ZNF335: variants seen among roughly 807,000 people sequenced by gnomAD.
ZNF335 encodes NRC-interacting factor 1.
Under a neutral mutation model 145.6 loss-of-function variants are expected in ZNF335, and 84 were observed. The ratio of observed to expected loss-of-function variants is 0.58; its 90% CI spans 0.48 to 0.69. The LOEUF is 0.69. Among genes scored for constraint, ZNF335 ranks in the 30% least tolerant of loss-of-function variants. The pLI, the probability that ZNF335 is intolerant of heterozygous loss-of-function variation, is 0.00. For missense variants in ZNF335, 1,865 were observed against 1,809.7 expected (o/e 1.03, Z -0.55); for synonymous variants, 761 against 717.0 (o/e 1.06, Z -0.98).
intron 14 of ZNF335, among the ~76,000 whole-genome samples, chr20:45,959,660 CAT>C (rs1002242466): frequency 4.6e-5 from 7 of 152,312 alleles, no homozygotes; most frequent in African/African-American, 1.7e-4. Flanking sequence ...TTTGCAAAGT[CAT>C]GTGACTACAA....
chr20:45,965,984 C>T (rs2083945642), intron 6 of ZNF335, among the ~76,000 whole-genome samples: 1 of 152,142 alleles, frequency 6.6e-6, no homozygotes, highest in African/African-American at 2.4e-5. Flanking sequence ...TTCCTGGCAC[C>T]TACCACTAGC....
intron 3 of ZNF335, chr20:45,968,671 A>C (rs1448697723): frequency 2.0e-5 from 7 of 353,964 alleles, no homozygotes; most frequent in Non-Finnish European, 3.2e-5. Context: ...CAAACTTCTC[A>C]AAGTAAAGGA....
rs111325202 is a variant in ZNF335 at position 45,950,208 on chromosome 20, G to T, written c.3487+11C>A. ...CCTGTTGCCCACCCTGTGGCCCCAGGGGCAGCTCACTGTGCAGGGTGGCCA... is the reference window on the plus strand; with the variant it reads ...CCTGTTGCCCACCCTGTGGCCCCAGTGGCAGCTCACTGTGCAGGGTGGCCA... On this transcript the variant is annotated intron_variant, in intron 22 of 27. Transcript: ENST00000322927. The T allele has an allele frequency of 6.4e-7, 1 of 1,551,838 alleles. No homozygotes were observed. The highest frequency in any genetic ancestry group is 2.3e-5 in the East Asian group (1 of 44,360).
Position 45,960,455 on chromosome 20 carries a change from T to C in ZNF335, c.1853A>G (p.Asn618Ser), listed in dbSNP as rs776312682. 3.1e-6 allele frequency: 5 copies of C among 1,614,200 alleles called. No homozygotes were observed. Among genetic ancestry groups the C allele is most frequent in the Middle Eastern group, 1.6e-4 (1 of 6,062 alleles). ...HLLTHIQAVA[N>S]RRFKCEFCEF... is the part of the protein sequence containing the mutation. ...GGCCTCCAAGGGGATGTACCTGCGG[T>C]TGGCAACAGCCTGGATGTGCGTGAG... Residue 618 changes from asparagine to serine, a missense_variant, in exon 13 of 28, where the codon AAC becomes AGC. Transcript: ENST00000322927.
intron 2 of ZNF335, among the ~76,000 whole-genome samples, chr20:45,970,790 C>A (rs1203042615): frequency 3.4e-5 from 5 of 146,530 alleles, no homozygotes; most frequent in African/African-American, 1.3e-4. Flanking sequence ...TGAGGTCTCG[C>A]TATTTGCCCA....
intron 1 of ZNF335, 105 bp from the exon 2 acceptor site, chr20:45,971,565 A>G (rs2084068431): frequency 1.4e-6 from 2 of 1,455,620 alleles, no homozygotes; most frequent in Admixed American, 2.5e-5. Flanking sequence ...AGATGCGAAG[A>G]TTGAGTCTCC....
chr20:45,967,758 T>C lies in ZNF335; in HGVS notation c.790A>G (p.Met264Val). ...CCTGGACGGAAGTGGCGTTCCCGCA[T>C]GTGGCGCAGCAGTGTGGCCTTGGTG... ...SSTKATLLRH[M>V]RERHFRPVAA... Residue 264 changes from methionine to valine, a missense_variant, in exon 5 of 28, where the codon ATG (methionine) becomes GTG (valine). Transcript: ENST00000322927. 6.2e-7 allele frequency: 1 copy of C among 1,612,394 alleles called. No homozygotes were observed. The highest frequency in any genetic ancestry group is 8.5e-7 in the Non-Finnish European group (1 of 1,179,198).
At position 45,967,474 on chromosome 20, in the gene ZNF335, T is replaced by C; in HGVS notation, c.955+20A>G. ...TAGATGGGCATAGGGATGGCAGGCC[T>C]AGAAACCATGGTGGCCTACCCTCCA... On this transcript the variant is annotated intron_variant, in intron 6 of 27. Transcript: ENST00000322927. 6.2e-7 allele frequency: 1 copy of C among 1,614,048 alleles called. No homozygotes were observed. The highest frequency in any genetic ancestry group is 8.5e-7 in the Non-Finnish European group (1 of 1,180,004).
chr20:45,962,244 A>G, intron 9 of ZNF335, 62 bp from the exon 10 acceptor site: 11 of 1,337,136 alleles, frequency 8.2e-6, no homozygotes, highest in Non-Finnish European at 1.2e-5. Flanking sequence ...CCCCGTCCCC[A>G]CCATGCCTGT....
chr20:45,969,942 C>T (rs964689635), intron 2 of ZNF335: 3 of 411,324 alleles, frequency 7.3e-6, no homozygotes. Flanking sequence ...TCCTAAGCCA[C>T]AGCCAGGGGG....
Position 45,949,845 on chromosome 20 carries a change from CGTG to C in ZNF335, c.3621_3623del (p.Thr1208del), listed in dbSNP as rs2083595873. ...GGTGCTGTACGGTCTGGCCATCTGC[CGTG>C]GTGATCTCTTGGATGTAGGCGGCTT... On this transcript the variant is annotated inframe_deletion, in exon 24 of 28. Transcript: ENST00000322927. 6.2e-7 allele frequency: 1 copy of C among 1,613,956 alleles called. No individual in the cohort carries two copies. Among genetic ancestry groups the C allele is most frequent in the African/African-American group, 1.3e-5 (1 of 74,900 alleles).
rs1381832595 is a variant in ZNF335, at chr20:45,960,795, C to T, written c.1666-63G>A. The T allele has an allele frequency of 9.3e-6, 15 of 1,612,862 alleles. No homozygotes were observed. In the East Asian group the frequency reaches 1.3e-4, roughly 14 times the overall value. ...GTGGAGGAGGGAGGATAAAACCTCC[C>T]CTCTTGTCCTCACCCCCATAAACAA... On this transcript the variant is annotated intron_variant, in intron 11 of 27. Transcript: ENST00000322927.
In ZNF335 at chr20:45,965,713, G is replaced by A. The variant is rs371430423; in HGVS notation, c.1017C>T (p.Arg339=). Residue 339 remains arginine, a synonymous_variant, in exon 7 of 28, where the codon CGC becomes CGT. Coordinates refer to ENST00000322927, the MANE Select transcript of ZNF335 (RefSeq NM_022095.4). ...GGGGCCTTGGGGTACTGGGGGTGGG[G>A]CGCTGGAGCCGAAGCTGCCGGCCTC... is the stretch of plus-strand genomic sequence containing the variant. ...EPRGRQLRLQ[R]PTPSTPRPRR... 6.2e-7 allele frequency: 1 copy of A among 1,605,882 alleles called. No individual in the cohort carries two copies. The highest frequency in any genetic ancestry group is 1.3e-5 in the African/African-American group (1 of 74,118).
rs1382951768 is a variant in ZNF335, at chr20:45,957,925, G to C, written c.2257C>G (p.Pro753Ala). Residue 753 changes from proline (P) to alanine (A), a missense_variant, in exon 16 of 28, where the codon CCC (proline) becomes GCC (alanine). Physicochemically the swap from Pro to Ala is conservative, Grantham distance 27. Transcript: ENST00000322927. ...PPSSPGPPEI[P>A]PEATTFQSSE... The stretch of plus-strand genomic sequence containing the variant: ...GACTGGAAAGTTGTCGCCTCTGGGG[G>C]TATCTATGGGGTGGAGATATGGCCA... 6 of 1,614,002 alleles carry C rather than the reference G, an allele frequency of 3.7e-6. No homozygotes were observed. Among genetic ancestry groups the C allele is most frequent in the African/African-American group, 2.7e-5 (2 of 75,040 alleles).
At chr20:45,960,783 G>A (rs2083828734) in intron 11 of ZNF335, 51 bp from the exon 12 acceptor site, 4 of 1,612,214 alleles carry the variant, frequency 2.5e-6, no homozygotes, top group Non-Finnish European at 3.4e-6. Flanking sequence ...GAGGAGGGAG[G>A]ATAAAACCTC....
chr20:45,967,408 C>T lies in ZNF335; in HGVS notation c.955+86G>A, dbSNP rs893018046. On this transcript the variant is annotated intron_variant, in intron 6 of 27. Transcript: ENST00000322927. ...CCTGTGGATGTGTCTGTGCCAATTC[C>T]TCTTTACTGGCCCTCCAAGTGAAAG... 5.6e-6 allele frequency: 9 copies of T among 1,606,604 alleles called. No homozygotes were observed. In the African/African-American group the frequency reaches 1.1e-4, roughly 19 times the overall value.
chr20:45,971,545 C>T, intron 1 of ZNF335, 85 bp from the exon 2 acceptor site: 1 of 1,474,886 alleles, frequency 6.8e-7, no homozygotes, highest in Non-Finnish European at 9.0e-7. Flanking sequence ...CACCCCTGCG[C>T]CCATTTTGCA....
chr20:45,950,614 T>A lies in ZNF335; in HGVS notation c.3190-19A>T, dbSNP rs937263149. ...TGTGCGCCTGCAGAGAGGGCAGAGT[T>A]GGGGGCATTGGCTGGGTCAGGACAG... On this transcript the variant is annotated intron_variant, in intron 20 of 27. Transcript: ENST00000322927. The A allele has an allele frequency of 3.1e-6, 5 of 1,613,176 alleles. No homozygotes were observed. The African/African-American group carries it at 4.0e-5, about 13-fold the overall frequency.
At chr20:45,952,825 G>A (rs1690557694) in intron 18 of ZNF335, 116 bp from the exon 19 acceptor site, 2 of 862,984 alleles carry the variant, frequency 2.3e-6, no homozygotes, top group East Asian at 2.6e-5. Context: ...AAGTCAGAAG[G>A]GCCCAGGGTT....
Sources: allele counts gnomAD v4.1 joint callset (sites outside exome capture counted in the v4.1 genomes callset), GRCh38; gene constraint gnomAD v4.1.1; transcripts MANE v1.5; gene names NCBI Gene and HGNC (gene_info 2026-07-23, HGNC 2026-07-21).